Variants in IP6K3 observed in about 807,000 individuals in gnomAD.
The protein encoded by IP6K3 is inositol hexakisphosphate kinase 3, also known as ATP:1D-myo-inositol-hexakisphosphate phosphotransferase.
IP6K3 carries 20 observed loss-of-function variants against 28.8 expected under a neutral mutation model. The observed-to-expected ratio is 0.70, with a 90% CI of 0.49 to 1.01. The LOEUF is 1.01. Ranked by LOEUF, IP6K3 falls within the 50% of genes least tolerant of loss-of-function variation. IP6K3 has a pLI of 0.00. For missense variants in IP6K3, 480 were observed against 537.1 expected (o/e 0.89, Z 1.05); for synonymous variants, 213 against 221.3 (o/e 0.96, Z 0.33).
intron 5 of IP6K3, 58 bp downstream of exon 5, chr6:33,725,383 T>C: frequency 6.6e-7 from 1 of 1,513,788 alleles, no homozygotes; most frequent in Non-Finnish European, 8.9e-7. Flanking sequence ...GAGATATCCT[T>C]GCCCCACCGT....
chr6:33,753,069 T>G, the IP6K3 span, among the ~76,000 whole-genome samples: 7 of 152,212 alleles, frequency 4.6e-5, no homozygotes, highest in Non-Finnish European at 1.0e-4. Context: ...GACACAGGAC[T>G]GTGGATGTGC....
At chr6:33,749,716 A>C (rs367799649), upstream of IP6K3, among the ~76,000 whole-genome samples, 98 of 151,710 alleles carry the variant, frequency 6.5e-4, no homozygotes, top group African/African-American at 2.2e-3. Context: ...TGATCAGTAG[A>C]AGCAGGTTAG....
chr6:33,736,105 A>T (rs1766514538), intron 1 of IP6K3, among the ~76,000 whole-genome samples: 1 of 152,162 alleles, frequency 6.6e-6, no homozygotes, highest in African/African-American at 2.4e-5. Context: ...AGCTCAAGTG[A>T]TCCACCCACC....
At chr6:33,749,827 G>T (rs1348127387), upstream of IP6K3, among the ~76,000 whole-genome samples, 1 of 152,042 alleles carries the variant, frequency 6.6e-6, no homozygotes, top group Admixed American at 6.5e-5. Context: ...TCATTTCACA[G>T]TGGAGGAAAC....
intron 1 of IP6K3, chr6:33,739,266 GAA>G: frequency 6.7e-6 from 1 of 148,458 alleles, no homozygotes. Flanking sequence ...GCCAGCCTGT[GAA>G]AAAAAAAAGA....
At chr6:33,731,321 A>G (rs1766315360) in intron 2 of IP6K3, among the ~76,000 whole-genome samples, 1 of 152,262 alleles carries the variant, frequency 6.6e-6, no homozygotes, top group South Asian at 2.1e-4. Flanking sequence ...CAGGTCTGCC[A>G]GAAACCACAG....
the IP6K3 span, among the ~76,000 whole-genome samples, chr6:33,757,299 C>T: frequency 6.6e-6 from 1 of 152,252 alleles, no homozygotes; most frequent in Non-Finnish European, 1.5e-5. Context: ...ATGTTTTATC[C>T]TGATCAGCAG....
chr6:33,747,344 T>G (rs1191139439), upstream of IP6K3, among the ~76,000 whole-genome samples: 3 of 152,132 alleles, frequency 2.0e-5, no homozygotes, highest in East Asian at 5.8e-4. The surrounding 1 kb of genome is among the most constrained non-coding windows in gnomAD (Gnocchi z 5.2). Context: ...GGCAAGACGT[T>G]CCATCAGTCA....
chr6:33,732,227 G>A (rs73743322), intron 2 of IP6K3, among the ~76,000 whole-genome samples: 7,535 of 152,240 alleles, frequency 0.049, 212 homozygotes, highest in Non-Finnish European at 0.053. Context: ...GGTCCCAGGC[G>A]AACTCTGACC....
intron 2 of IP6K3, among the ~76,000 whole-genome samples, chr6:33,730,635 G>T (rs532313407): frequency 5.9e-5 from 9 of 152,268 alleles, no homozygotes; most frequent in Non-Finnish European, 8.8e-5. Flanking sequence ...TCTTCCACCT[G>T]CTGGGTGGCA....
At chr6:33,734,200 T>A (rs1161229822) in intron 2 of IP6K3, among the ~76,000 whole-genome samples, 1 of 38,326 alleles carries the variant, frequency 2.6e-5, no homozygotes, top group African/African-American at 9.8e-5. Context: ...CGAAACTCCG[T>A]CTCAAAAAAA....
the IP6K3 span, among the ~76,000 whole-genome samples, chr6:33,756,342 G>A: frequency 1.3e-5 from 2 of 152,178 alleles, no homozygotes; most frequent in Non-Finnish European, 2.9e-5. Context: ...TTGCCAGTGT[G>A]TAGATGTGGG....
At chr6:33,723,460 G>A (rs1031798999) in intron 5 of IP6K3, among the ~76,000 whole-genome samples, 4 of 152,166 alleles carry the variant, frequency 2.6e-5, no homozygotes, top group African/African-American at 2.4e-5. Flanking sequence ...CGAGGAAAAC[G>A]TTTGGATCTT....
chr6:33,741,122 T>C (rs1035670374), intron 1 of IP6K3, among the ~76,000 whole-genome samples: 1 of 152,234 alleles, frequency 6.6e-6, no homozygotes. Flanking sequence ...CCCCATTCTC[T>C]TTCCCTGGCC....
chr6:33,757,927 C>T, the IP6K3 span, among the ~76,000 whole-genome samples: 1 of 152,144 alleles, frequency 6.6e-6, no homozygotes, highest in Admixed American at 6.5e-5. Context: ...CACATACATC[C>T]GAGGCAGGGG....
chr6:33,737,067 G>A (rs943064866), intron 1 of IP6K3, among the ~76,000 whole-genome samples: 2 of 152,296 alleles, frequency 1.3e-5, no homozygotes, highest in African/African-American at 4.8e-5. Context: ...GCAGGGTTGC[G>A]GCTGGCCAGG....
In IP6K3 at chr6:33,723,135, C is replaced by G; in HGVS notation, c.818G>C (p.Arg273Thr). ...YFLCKDKYYG[R>T]KLSVEGFRQA... Reference sequence around the variant, plus strand: ...TCTGAACCCCTCCACTGAGAGTTTTCTTCCATAGTACTTGTCTTTGCAGAG... The same window carrying G: ...TCTGAACCCCTCCACTGAGAGTTTTGTTCCATAGTACTTGTCTTTGCAGAG... The change falls in exon 6 of 6, where the codon AGA (arginine) becomes ACA (threonine). Residue 273 changes from arginine (R) to threonine (T), a missense_variant. By Grantham distance (71) the Arg-to-Thr change is moderately conservative. Transcript: ENST00000293756. The G allele has an allele frequency of 6.2e-7, 1 of 1,613,606 alleles. No homozygotes were observed. The highest frequency in any genetic ancestry group is 8.5e-7 in the Non-Finnish European group (1 of 1,179,782).
chr6:33,730,167 A>T (rs1378455721), intron 2 of IP6K3, among the ~76,000 whole-genome samples: 2 of 152,178 alleles, frequency 1.3e-5, no homozygotes, highest in Non-Finnish European at 2.9e-5. Flanking sequence ...TTCTCAGAGT[A>T]AGTGGCAATT....
the IP6K3 span, among the ~76,000 whole-genome samples, chr6:33,755,678 C>T: frequency 6.6e-6 from 1 of 152,232 alleles, no homozygotes; most frequent in Non-Finnish European, 1.5e-5. Flanking sequence ...GCCACACCCA[C>T]TGGGGGTCCC....
Sources: gnomAD v4.1 joint callset for allele counts (sites outside exome capture counted in the v4.1 genomes callset) on GRCh38, gnomAD v4.1.1 for gene constraint, Gnocchi (gnomAD v3.1) non-coding constraint, MANE v1.5 for transcripts, NCBI Gene and HGNC (gene_info 2026-07-23, HGNC 2026-07-21) for gene names.